Variants in JMY observed in about 807,000 individuals in gnomAD.
JMY encodes junction mediating and regulatory protein, p53 cofactor.
In JMY, 46 loss-of-function variants were observed where a neutral mutation model predicts 103.3. That is an observed-to-expected ratio of 0.45 (90% confidence interval 0.35 to 0.57). The LOEUF (loss-of-function observed/expected upper bound fraction) is 0.57, where lower values mean the gene tolerates loss of function less well. Among genes scored for constraint, JMY ranks in the 20% least tolerant of loss-of-function variants. The pLI, the probability that JMY is intolerant of heterozygous loss-of-function variation, is 0.00. For synonymous variants in JMY, 526 were observed against 489.3 expected, an observed-to-expected ratio of 1.07 and a Z score of -0.99; for missense variants, 1,238 against 1,255.2, an observed-to-expected ratio of 0.99 and a Z score of 0.21.
intron 1 of JMY, among the ~76,000 whole-genome samples, chr5:79,267,052 A>G (rs1316431649): frequency 6.6e-6 from 1 of 152,232 alleles, no homozygotes; most frequent in African/African-American, 2.4e-5. Context: ...AGAAAAATTG[A>G]GCAGATAGTA....
intron 1 of JMY, among the ~76,000 whole-genome samples, chr5:79,253,946 T>C (rs1315600144): frequency 8.4e-6 from 1 of 119,730 alleles, no homozygotes; most frequent in Admixed American, 9.1e-5. Context: ...GTAGATGACT[T>C]TTTTTTTTTT....
chr5:79,299,369 TAGAA>T (rs757078128), intron 4 of JMY, among the ~76,000 whole-genome samples: 6 of 152,126 alleles, frequency 3.9e-5, no homozygotes, highest in Non-Finnish European at 8.8e-5. Context: ...TACAGCCAAA[TAGAA>T]AGCCATAGAA....
At position 79,325,177 on chromosome 5, in the gene JMY, AT is replaced by A. The variant is rs770493739; in HGVS notation, c.*3578del. 6.6e-6 allele frequency: 1 copy of A among 152,388 alleles called. No homozygotes were observed. Among genetic ancestry groups the A allele is most frequent in the Non-Finnish European group, 1.5e-5 (1 of 68,018 alleles). The allele number at this position is 152,388 out of a possible 1,614,324, so 9.4% of individuals were successfully genotyped here. ...TACAGTCACATGAGTGTTTGTATAA[AT>A]TTAAGTCAATGCTTTTAGCCTAGGC... is the stretch of plus-strand genomic sequence containing the variant. On this transcript the variant is annotated 3_prime_UTR_variant, in exon 11 of 11. Coordinates refer to ENST00000396137, the MANE Select transcript of JMY (RefSeq NM_152405.5).
chr5:79,244,811 A>G (rs1744841975), intron 1 of JMY, among the ~76,000 whole-genome samples: 1 of 151,408 alleles, frequency 6.6e-6, no homozygotes, highest in East Asian at 1.9e-4. Flanking sequence ...TGAAAACTAA[A>G]TAATAGTTCT....
chr5:79,281,130 C>T (rs577636811), intron 2 of JMY, among the ~76,000 whole-genome samples: 6 of 151,712 alleles, frequency 4.0e-5, no homozygotes, highest in South Asian at 4.1e-4. Context: ...CTGCAAGCTC[C>T]GCCTCCCGGG....
intron 1 of JMY, among the ~76,000 whole-genome samples, chr5:79,266,683 CTTCT>C (rs1359456031): frequency 6.6e-6 from 1 of 152,054 alleles, no homozygotes; most frequent in Non-Finnish European, 1.5e-5. Context: ...GAATTTATTC[CTTCT>C]AACTGTATTT....
chr5:79,272,549 T>C (rs983657038), intron 1 of JMY, among the ~76,000 whole-genome samples: 3 of 152,184 alleles, frequency 2.0e-5, no homozygotes, highest in Non-Finnish European at 2.9e-5. Context: ...TTGAATATAT[T>C]GGGGCTTATA....
In JMY at chr5:79,278,585, CAAAAAAAAAAA is replaced by C. The variant is rs34278536; in HGVS notation, c.1206+520_1206+530del. On this transcript the variant is annotated intron_variant, in intron 2 of 10. Transcript: ENST00000396137. Reference sequence around the variant, plus strand: ...GGGCAACACGGAGAACCCGTCTCTACAAAAAAAAAAAAAAAAAAAAAAAAAAAATCAAACTA... The same window carrying C: ...GGGCAACACGGAGAACCCGTCTCTACAAAAAAAAAAAAAAAAATCAAACTA... Among the ~76,000 whole-genome samples, 15 of 57,302 alleles carry C rather than the reference CAAAAAAAAAAA, an allele frequency of 2.6e-4. No individual in the cohort carries two copies. The East Asian group carries it at 3.9e-3, about 15-fold the overall frequency. The allele number at this position is 57,302 out of a possible 152,430, so 37.6% of individuals were successfully genotyped here. A position where few individuals can be genotyped will look rare whatever the true frequency, so the allele number is the denominator to read the frequency against.
chr5:79,290,115 C>G lies in JMY; in HGVS notation c.1207-6C>G, dbSNP rs376788758. The G allele has an allele frequency of 6.4e-7, 1 of 1,562,336 alleles. No individual in the cohort carries two copies. The highest frequency in any genetic ancestry group is 8.6e-7 in the Non-Finnish European group (1 of 1,158,726). On this transcript the variant is annotated splice_region_variant and splice_polypyrimidine_tract_variant and intron_variant, in intron 2 of 10. Transcript: ENST00000396137. Reference sequence around the variant, plus strand: ...ACTTCTTAATTTTTTCTTTTTCTCTCTGAAGATTTCCATGGAGAATGATTA... The same window carrying G: ...ACTTCTTAATTTTTTCTTTTTCTCTGTGAAGATTTCCATGGAGAATGATTA...
At chr5:79,283,622 T>C (rs1746185307) in intron 2 of JMY, among the ~76,000 whole-genome samples, 1 of 152,152 alleles carries the variant, frequency 6.6e-6, no homozygotes, top group Non-Finnish European at 1.5e-5. Context: ...CTACATTGGG[T>C]CTCAAAAATG....
At position 79,324,953 on chromosome 5, in the gene JMY, CAT is replaced by C. The variant is rs1411960055; in HGVS notation, c.*3354_*3355del. On this transcript the variant is annotated 3_prime_UTR_variant, in exon 11 of 11. Coordinates refer to ENST00000396137, the MANE Select transcript of JMY (RefSeq NM_152405.5). ...TGAACTATGTAGTAATATTTGGTAA[CAT>C]ATGGCATGGCCACTTTATATCACAG... 5.9e-5 allele frequency: 9 copies of C among 152,742 alleles called. No individual in the cohort carries two copies. The highest frequency in any genetic ancestry group is 1.9e-4 in the East Asian group (1 of 5,190). 9.5% of individuals were successfully genotyped at this position (152,742 alleles called of 1,614,324 possible).
intron 6 of JMY, among the ~76,000 whole-genome samples, chr5:79,303,412 G>C (rs931655416): frequency 1.3e-5 from 2 of 151,992 alleles, no homozygotes; most frequent in Non-Finnish European, 2.9e-5. Context: ...AGGCTGATAG[G>C]AAAGAGCAAG....
At chr5:79,240,125 C>T (rs1401971717) in intron 1 of JMY, among the ~76,000 whole-genome samples, 3 of 151,758 alleles carry the variant, frequency 2.0e-5, no homozygotes, top group Non-Finnish European at 2.9e-5. Context: ...CAGTGATTCT[C>T]CTCCCTCAGC....
Position 79,314,758 on chromosome 5 carries a change from A to T in JMY, c.2566A>T (p.Ser856Cys), listed in dbSNP as rs1580373970. ...GNEKRIPKSA[S>C]APSAHLFDSS... ...TGAGAAGAGGATCCCAAAGTCAGCC[A>T]GTGCCCCCTCAGCACACCTCTTTGA... Residue 856 changes from serine (S) to cysteine (C), a missense_variant, in exon 9 of 11, where the codon AGT (serine) becomes TGT (cysteine). Physicochemically the swap from Ser to Cys is moderately radical, Grantham distance 112. Coordinates refer to ENST00000396137, the MANE Select transcript of JMY (RefSeq NM_152405.5). 3.1e-6 allele frequency: 5 copies of T among 1,613,366 alleles called. No individual in the cohort carries two copies. Among genetic ancestry groups the T allele is most frequent in the Non-Finnish European group, 4.2e-6 (5 of 1,179,886 alleles).
intron 1 of JMY, among the ~76,000 whole-genome samples, chr5:79,242,911 G>A (rs1744783640): frequency 6.6e-6 from 1 of 151,824 alleles, no homozygotes; most frequent in African/African-American, 2.4e-5. Context: ...AGCCTCCCAA[G>A]TAGCTGGGAT....
At position 79,316,165 on chromosome 5, in the gene JMY, T is replaced by A. The variant is rs773614002; in HGVS notation, c.2825T>A (p.Val942Asp). 18 of 1,613,888 alleles carry A rather than the reference T, an allele frequency of 1.1e-5. No homozygotes were observed. Among genetic ancestry groups the A allele is most frequent in the Middle Eastern group, 1.6e-4 (1 of 6,084 alleles). Reference protein sequence around the residue: ...GVKLKKVQKDVLRESFTLLPD... With the variant: ...GVKLKKVQKDDLRESFTLLPD... ...AAATTGAAGAAGGTACAGAAGGATG[T>A]TTTGAGAGAATCCTTCACACTTCTA... is the stretch of plus-strand genomic sequence containing the variant. Residue 942 changes from valine (V) to aspartate (D), a missense_variant, in exon 10 of 11, where the codon GTT (valine) becomes GAT (aspartate). Coordinates refer to ENST00000396137, the MANE Select transcript of JMY (RefSeq NM_152405.5).
Position 79,236,541 on chromosome 5 carries a change from T to G in JMY, c.-110T>G. 1 of 861,970 alleles carries G rather than the reference T, an allele frequency of 1.2e-6. No homozygotes were observed. The highest frequency in any genetic ancestry group is 1.6e-6 in the Non-Finnish European group (1 of 634,472). 53.4% of individuals were successfully genotyped at this position (861,970 alleles called of 1,614,324 possible). A position where few individuals can be genotyped will look rare whatever the true frequency, so the allele number is the denominator to read the frequency against. ...GGGAGAGCCGGCCGGCGCACTAAGA[T>G]GGCTGAAGGCGCCCGGCGAGGGTGA... is the stretch of plus-strand genomic sequence containing the variant. On this transcript the variant is annotated 5_prime_UTR_variant, in exon 1 of 11. An upstream start codon of the reference 5' UTR is lost. Coordinates refer to ENST00000396137, the MANE Select transcript of JMY (RefSeq NM_152405.5).
chr5:79,271,385 G>T (rs761358057), intron 1 of JMY, among the ~76,000 whole-genome samples: 3 of 151,988 alleles, frequency 2.0e-5, no homozygotes, highest in African/African-American at 4.8e-5. Context: ...GGCTAAACCT[G>T]GCCTCACAAA....
At position 79,237,671 on chromosome 5, in the gene JMY, C is replaced by T. The variant is rs2112036529; in HGVS notation, c.1021C>T (p.Arg341Cys). Reference sequence around the variant, plus strand: ...AGAAGTGCTTCAGCGGGCCAGGAAGCGCATCCAGGAGGTGAGTGAGTGAGC... The same window carrying T: ...AGAAGTGCTTCAGCGGGCCAGGAAGTGCATCCAGGAGGTGAGTGAGTGAGC... Reference protein sequence around the residue: ...YEEVLQRARKRIQELLDKHKN... With the variant: ...YEEVLQRARKCIQELLDKHKN... Residue 341 changes from arginine to cysteine, a missense_variant, in exon 1 of 11, where the codon CGC becomes TGC. Arg to Cys is a radical substitution (Grantham distance 180). Transcript: ENST00000396137. The T allele has an allele frequency of 6.2e-7, 1 of 1,612,130 alleles. No individual in the cohort carries two copies.
Sources: allele counts gnomAD v4.1 joint callset (sites outside exome capture counted in the v4.1 genomes callset), GRCh38; gene constraint gnomAD v4.1.1; transcripts MANE v1.5; gene names NCBI Gene and HGNC (gene_info 2026-07-23, HGNC 2026-07-21).